PPP2R5E: variants seen among roughly 807,000 people sequenced by gnomAD.
PPP2R5E encodes serine/threonine-protein phosphatase 2A 56 kDa regulatory subunit epsilon isoform.
In PPP2R5E, 4 loss-of-function variants were observed where a neutral mutation model predicts 65.3. The observed-to-expected ratio is 0.06, with a 90% CI of 0.03 to 0.14. The LOEUF is 0.14. PPP2R5E is among the 10% of genes least tolerant of loss of function. The pLI is 1.00. For missense variants in PPP2R5E, 274 were observed against 556.1 expected, an observed-to-expected ratio of 0.49 and a Z score of 5.10; for synonymous variants, 183 against 187.4, an observed-to-expected ratio of 0.98 and a Z score of 0.19.
intron 5 of PPP2R5E, among the ~76,000 whole-genome samples, chr14:63,404,173 C>A (rs760771537): frequency 6.6e-6 from 1 of 152,110 alleles, no homozygotes; most frequent in Non-Finnish European, 1.5e-5. Flanking sequence ...TAAAAGTAGG[C>A]ATTATCAAAA....
intron 2 of PPP2R5E, among the ~76,000 whole-genome samples, chr14:63,487,049 A>AC (rs1271908843): frequency 6.6e-6 from 1 of 152,222 alleles, no homozygotes; most frequent in Non-Finnish European, 1.5e-5. Flanking sequence ...ACTGTCTCAA[A>AC]CCCACATGCT....
intron 3 of PPP2R5E, among the ~76,000 whole-genome samples, chr14:63,438,868 T>C (rs1304174259): frequency 6.6e-6 from 1 of 151,852 alleles, no homozygotes; most frequent in East Asian, 1.9e-4. Flanking sequence ...ATTACTAGAG[T>C]TGGGGACGTG....
At chr14:63,410,022 C>T (rs761876498) in intron 5 of PPP2R5E, among the ~76,000 whole-genome samples, 3 of 152,178 alleles carry the variant, frequency 2.0e-5, no homozygotes, top group Admixed American at 6.5e-5. Flanking sequence ...CTTTCCACTA[C>T]GTCATAGTAA....
At chr14:63,439,978 T>C (rs2139427944) in intron 3 of PPP2R5E, among the ~76,000 whole-genome samples, 1 of 152,316 alleles carries the variant, frequency 6.6e-6, no homozygotes, top group African/African-American at 2.4e-5. Flanking sequence ...TCAATTTCCA[T>C]ATACGTTTTC....
At chr14:63,501,196 G>A (rs1366364139) in intron 2 of PPP2R5E, among the ~76,000 whole-genome samples, 8 of 152,114 alleles carry the variant, frequency 5.3e-5, no homozygotes, top group East Asian at 1.9e-4. Context: ...TCAGGAGATC[G>A]AGACTATCCT....
chr14:63,401,873 C>T lies in PPP2R5E; in HGVS notation c.550-5157G>A, dbSNP rs539789963. On this transcript the variant is annotated intron_variant, in intron 5 of 13. Transcript: ENST00000337537. ...ACGAGAAGCAGGCCAGTTCACACCACGGAACCCTTACAAGGCTTAAAAACT... is the reference window on the plus strand; with the variant it reads ...ACGAGAAGCAGGCCAGTTCACACCATGGAACCCTTACAAGGCTTAAAAACT... 9.2e-5 allele frequency among the ~76,000 whole-genome samples: 14 copies of T among 152,152 alleles called. No homozygotes were observed. The South Asian group carries it at 1.7e-3, about 18-fold the overall frequency.
intron 2 of PPP2R5E, among the ~76,000 whole-genome samples, chr14:63,538,029 G>T (rs188303241): frequency 2.6e-5 from 4 of 152,266 alleles, no homozygotes; most frequent in African/African-American, 9.6e-5. Flanking sequence ...GTGTTGGGCC[G>T]GGCATGGTGG....
Position 63,382,142 on chromosome 14 carries a change from C to A in PPP2R5E, c.1218G>T (p.Leu406Phe). ...KEHWNPAIVALVYNVLKAFME... is the reference protein window; with the variant it reads ...KEHWNPAIVAFVYNVLKAFME... ...TAAATGCCTTCAACACATTGTACAC[C>A]AACGCCACAATAGCCCTGGAAAGCA... The change falls in exon 13 of 14, where the codon TTG becomes TTT. Residue 406 changes from leucine to phenylalanine, a missense_variant. Leu to Phe is a conservative substitution (Grantham distance 22, BLOSUM62 0). Transcript: ENST00000337537. 6.2e-7 allele frequency: 1 copy of A among 1,613,388 alleles called. No homozygotes were observed.
chr14:63,448,906 T>C (rs1888660016), intron 3 of PPP2R5E, among the ~76,000 whole-genome samples: 1 of 152,150 alleles, frequency 6.6e-6, no homozygotes. Context: ...TAGAAGTCTG[T>C]AGGTGGTATC....
rs781098975 is a variant in PPP2R5E, at chr14:63,384,286, G to T, written c.1202+158C>A. On this transcript the variant is annotated intron_variant, in intron 12 of 13. Coordinates refer to ENST00000337537, the MANE Select transcript of PPP2R5E (RefSeq NM_006246.5). ...TAACCGGTATTTTGTTAAAGTATCT[G>T]TTTATTTTCTCCAGTCAGTGAATCC... 5.5e-4 allele frequency among the ~76,000 whole-genome samples: 84 copies of T among 151,928 alleles called. 1 individual carries two copies. Among genetic ancestry groups the T allele is most frequent in the Non-Finnish European group, 4.3e-4 (29 of 68,012 alleles).
At chr14:63,506,742 CTCAGAAAGTT>C (rs1482620701) in intron 2 of PPP2R5E, among the ~76,000 whole-genome samples, 3 of 152,142 alleles carry the variant, frequency 2.0e-5, no homozygotes, top group African/African-American at 7.2e-5. Flanking sequence ...TTGGCAATAT[CTCAGAAAGTT>C]AAAACAGAGT....
At chr14:63,385,944 T>C (rs975831586) in intron 11 of PPP2R5E, among the ~76,000 whole-genome samples, 8 of 152,304 alleles carry the variant, frequency 5.3e-5, no homozygotes, top group Non-Finnish European at 1.2e-4. Flanking sequence ...CTGGCTCTAA[T>C]TTGGTCTGCT....
chr14:63,519,556 G>T (rs1892804075), intron 2 of PPP2R5E, among the ~76,000 whole-genome samples: 1 of 140,702 alleles, frequency 7.1e-6, no homozygotes, highest in South Asian at 2.2e-4. Flanking sequence ...GTTTCACCGT[G>T]TTGGCCAGGG....
intron 2 of PPP2R5E, among the ~76,000 whole-genome samples, chr14:63,500,785 G>A (rs185376645): frequency 5.3e-5 from 8 of 152,028 alleles, no homozygotes; most frequent in South Asian, 4.2e-4. Flanking sequence ...AGGATCTCTC[G>A]AGCCTGGGAT....
chr14:63,446,557 C>G (rs112723695), intron 3 of PPP2R5E, among the ~76,000 whole-genome samples: 1 of 152,058 alleles, frequency 6.6e-6, no homozygotes, highest in African/African-American at 2.4e-5. Flanking sequence ...CGGCCGGGCA[C>G]GGTGGCTCAC....
chr14:63,496,375 C>T (rs1891568218), intron 2 of PPP2R5E, among the ~76,000 whole-genome samples: 1 of 146,800 alleles, frequency 6.8e-6, no homozygotes, highest in East Asian at 2.0e-4. Context: ...ACCTGGGAGG[C>T]GGAGATTGCA....
intron 2 of PPP2R5E, among the ~76,000 whole-genome samples, chr14:63,466,829 A>G (rs1889835729): frequency 6.6e-6 from 1 of 152,206 alleles, no homozygotes; most frequent in Admixed American, 6.5e-5. Context: ...AGTTTTGAGT[A>G]TATGACTCCA....
intron 2 of PPP2R5E, among the ~76,000 whole-genome samples, chr14:63,467,247 A>C (rs1417127570): frequency 1.3e-5 from 2 of 150,518 alleles, no homozygotes; most frequent in Non-Finnish European, 2.9e-5. Context: ...AACAAACAAA[A>C]AAAACACTAT....
intron 2 of PPP2R5E, among the ~76,000 whole-genome samples, chr14:63,512,979 C>A (rs1004567127): frequency 2.2e-5 from 3 of 138,940 alleles, no homozygotes; most frequent in African/African-American, 8.5e-5. Flanking sequence ...AGTGGAAAAC[C>A]CCATTCTCCA....
Sources: allele counts gnomAD v4.1 joint callset (sites outside exome capture counted in the v4.1 genomes callset), GRCh38; gene constraint gnomAD v4.1.1; transcripts MANE v1.5; gene names NCBI Gene and HGNC (gene_info 2026-07-23, HGNC 2026-07-21).